The following CNTNAP4 variants were observed in gnomAD, a reference collection of about 807,000 sequenced individuals.
The protein encoded by CNTNAP4 is contactin-associated protein-like 4.
Under a neutral mutation model 148.4 loss-of-function variants are expected in CNTNAP4, and 98 were observed. That is an observed-to-expected ratio of 0.66 (90% CI 0.56 to 0.78). CNTNAP4 has a LOEUF of 0.78. Among genes scored for constraint, CNTNAP4 ranks in the 30% least tolerant of loss-of-function variants. The pLI is 0.00. For missense variants in CNTNAP4, 1,935 were observed against 1,565.6 expected (o/e 1.24, Z -3.98); for synonymous variants, 730 against 565.1 (o/e 1.29, Z -4.14).
chr16:76,306,832 G>T (rs1050501033), intron 1 of CNTNAP4, among the ~76,000 whole-genome samples: 1 of 152,130 alleles, frequency 6.6e-6, no homozygotes, highest in African/African-American at 2.4e-5. Context: ...GTTATGTATG[G>T]TATAACATGA....
intron 3 of CNTNAP4, among the ~76,000 whole-genome samples, chr16:76,364,215 C>A (rs968197610): frequency 2.0e-5 from 2 of 99,532 alleles, no homozygotes; most frequent in Admixed American, 3.4e-4. Flanking sequence ...GCCTGGGCAA[C>A]AGAGCGAGAT....
intron 21 of CNTNAP4, among the ~76,000 whole-genome samples, chr16:76,543,508 A>T (rs909256069): frequency 7.9e-5 from 12 of 152,202 alleles, no homozygotes; most frequent in Admixed American, 3.3e-4. Context: ...TGTAAGAGAA[A>T]ATGTGAAGGA....
chr16:76,439,095 C>T (rs1385804250), intron 4 of CNTNAP4, among the ~76,000 whole-genome samples: 2 of 152,140 alleles, frequency 1.3e-5, no homozygotes, highest in Non-Finnish European at 2.9e-5. Flanking sequence ...TGCCTGCTCT[C>T]TTCCTTCGGG....
intron 17 of CNTNAP4, among the ~76,000 whole-genome samples, chr16:76,532,194 A>G (rs2084012636): frequency 6.6e-6 from 1 of 152,224 alleles, no homozygotes; most frequent in African/African-American, 2.4e-5. Flanking sequence ...TGTTCAATCC[A>G]AAGATGAGCT....
chr16:76,492,950 T>TG (rs1423178083), intron 13 of CNTNAP4, among the ~76,000 whole-genome samples: 3 of 5,270 alleles, frequency 5.7e-4, no homozygotes, highest in Non-Finnish European at 3.9e-3. Context: ...GCTTGCACAC[T>TG]TTTTTTTTTT....
At chr16:76,401,835 G>C (rs1480676905) in intron 3 of CNTNAP4, among the ~76,000 whole-genome samples, 3 of 152,120 alleles carry the variant, frequency 2.0e-5, no homozygotes. Context: ...TTTATGCGAT[G>C]AATCACACTT....
intron 3 of CNTNAP4, among the ~76,000 whole-genome samples, chr16:76,355,951 T>C (rs1293399851): frequency 6.6e-6 from 1 of 151,974 alleles, no homozygotes; most frequent in African/African-American, 2.4e-5. Context: ...CTTGGCTCAC[T>C]GCAACCTCTG....
chr16:76,466,876 C>T (rs1165263146), intron 9 of CNTNAP4, among the ~76,000 whole-genome samples: 2 of 151,912 alleles, frequency 1.3e-5, no homozygotes, highest in East Asian at 3.9e-4. Flanking sequence ...TAATTTTATT[C>T]CAAGCCAAGA....
At chr16:76,474,720 C>G (rs1353447639) in intron 10 of CNTNAP4, among the ~76,000 whole-genome samples, 1 of 152,060 alleles carries the variant, frequency 6.6e-6, no homozygotes, top group South Asian at 2.1e-4. Flanking sequence ...GAGTCAATAA[C>G]AAAACTTTCC....
At chr16:76,287,690 G>C (rs1471737668) in intron 1 of CNTNAP4, 1 of 152,284 alleles carries the variant, frequency 6.6e-6, no homozygotes, top group African/African-American at 2.4e-5. Context: ...GGTTGATTTG[G>C]CTGAGATGGC....
intron 21 of CNTNAP4, among the ~76,000 whole-genome samples, chr16:76,541,005 G>T (rs1009788431): frequency 5.9e-5 from 9 of 152,026 alleles, no homozygotes; most frequent in African/African-American, 2.2e-4. Context: ...TGATGGTAAG[G>T]TCACTCTGGT....
At chr16:76,513,453 TA>T (rs2083109897) in intron 15 of CNTNAP4, among the ~76,000 whole-genome samples, 1 of 152,182 alleles carries the variant, frequency 6.6e-6, no homozygotes, top group Non-Finnish European at 1.5e-5. Context: ...TAGTGTTCTT[TA>T]AAACCCGATG....
chr16:76,462,935 A>G (rs1378768792), intron 9 of CNTNAP4, among the ~76,000 whole-genome samples: 2 of 152,310 alleles, frequency 1.3e-5, no homozygotes, highest in Non-Finnish European at 1.5e-5. Flanking sequence ...CTGAGTCTCT[A>G]TTATTCACTA....
chr16:76,298,472 A>G lies in CNTNAP4; in HGVS notation c.86-17941A>G, dbSNP rs563915371. Among the ~76,000 whole-genome samples, 545 of 147,338 alleles carry G rather than the reference A, an allele frequency of 3.7e-3. 2 individuals carry two copies. The highest frequency in any genetic ancestry group is 0.013 in the African/African-American group (516 of 38,894). The stretch of plus-strand genomic sequence containing the variant: ...ATTACCCCATTCATTGTGTGTGCAC[A>G]TGTGTGTACATGTATGTGTGTGTGT... On this transcript the variant is annotated intron_variant, in intron 1 of 23. Transcript: ENST00000611870.
chr16:76,322,227 C>T (rs1292505092), intron 2 of CNTNAP4, among the ~76,000 whole-genome samples: 3 of 152,186 alleles, frequency 2.0e-5, no homozygotes, highest in African/African-American at 4.8e-5. Context: ...GTTAGCACTG[C>T]CTGATATTTC....
chr16:76,472,751 A>G (rs1405548888), intron 10 of CNTNAP4, among the ~76,000 whole-genome samples: 2 of 152,180 alleles, frequency 1.3e-5, no homozygotes, highest in Non-Finnish European at 2.9e-5. Context: ...GAGCTAAATG[A>G]TGAGAACTCA....
chr16:76,515,899 C>A (rs947704278), intron 15 of CNTNAP4, among the ~76,000 whole-genome samples: 2 of 152,108 alleles, frequency 1.3e-5, no homozygotes, highest in Non-Finnish European at 2.9e-5. Flanking sequence ...CAAAACCACA[C>A]TAGAAAACCG....
intron 1 of CNTNAP4, among the ~76,000 whole-genome samples, chr16:76,286,927 A>C (rs909725335): frequency 6.6e-6 from 1 of 152,164 alleles, no homozygotes; most frequent in African/African-American, 2.4e-5. Context: ...GTGATGAGGG[A>C]ATTCTATGCA....
chr16:76,482,071 C>T (rs768514827), intron 12 of CNTNAP4, among the ~76,000 whole-genome samples: 7 of 151,350 alleles, frequency 4.6e-5, no homozygotes, highest in Non-Finnish European at 8.8e-5. Context: ...AATCTGACTT[C>T]CTTTAGTTGG....
Sources: gnomAD v4.1 joint callset for allele counts (sites outside exome capture counted in the v4.1 genomes callset) on GRCh38, gnomAD v4.1.1 for gene constraint, MANE v1.5 for transcripts, NCBI Gene and HGNC (gene_info 2026-07-23, HGNC 2026-07-21) for gene names.